Variants in FAM135B observed in about 807,000 individuals in gnomAD.
FAM135B encodes protein FAM135B.
In FAM135B, 43 loss-of-function variants were observed where a neutral mutation model predicts 127.7. That is an observed-to-expected ratio of 0.34 (90% CI 0.26 to 0.43). The LOEUF is 0.43. FAM135B is among the 20% of genes least tolerant of loss of function. The pLI, the probability that FAM135B is intolerant of heterozygous loss-of-function variation, is 1.00. For synonymous variants in FAM135B, 670 were observed against 665.1 expected, an observed-to-expected ratio of 1.01 and a Z score of -0.11; for missense variants, 1,558 against 1,725.6, an observed-to-expected ratio of 0.90 and a Z score of 1.72.
At chr8:138,159,608 G>A (rs1282871397) in intron 12 of FAM135B, among the ~76,000 whole-genome samples, 3 of 134,828 alleles carry the variant, frequency 2.2e-5, no homozygotes, top group Non-Finnish European at 4.8e-5. Context: ...CTGTCGTGGG[G>A]TGGGGGGAGG....
chr8:138,443,335 G>A (rs989145225), intron 1 of FAM135B, among the ~76,000 whole-genome samples: 1 of 151,986 alleles, frequency 6.6e-6, no homozygotes, highest in Non-Finnish European at 1.5e-5. Flanking sequence ...ACCAGATCCT[G>A]TGGGTTCCAA....
chr8:138,202,050 G>A (rs1246846156), intron 7 of FAM135B, among the ~76,000 whole-genome samples: 2 of 149,330 alleles, frequency 1.3e-5, no homozygotes, highest in Non-Finnish European at 3.0e-5. Context: ...GCTTGAACCT[G>A]AGAGGTGGAG....
chr8:138,214,892 A>C (rs973081186), intron 7 of FAM135B, among the ~76,000 whole-genome samples: 9 of 152,158 alleles, frequency 5.9e-5, no homozygotes, highest in African/African-American at 2.2e-4. Flanking sequence ...AAAATAAGTA[A>C]GTTGGGAGTC....
At chr8:138,231,070 C>T (rs1177591530) in intron 7 of FAM135B, among the ~76,000 whole-genome samples, 1 of 151,968 alleles carries the variant, frequency 6.6e-6, no homozygotes, top group Non-Finnish European at 1.5e-5. Context: ...TGCTCTGTCA[C>T]CCAGGCTGGA....
intron 2 of FAM135B, among the ~76,000 whole-genome samples, chr8:138,338,000 A>C (rs1414220415): frequency 2.6e-5 from 4 of 152,294 alleles, no homozygotes; most frequent in South Asian, 4.1e-4. Context: ...CAAATACAAG[A>C]AATGGGGAAA....
At chr8:138,190,931 C>G (rs1816065491) in intron 9 of FAM135B, among the ~76,000 whole-genome samples, 1 of 152,188 alleles carries the variant, frequency 6.6e-6, no homozygotes, top group Non-Finnish European at 1.5e-5. Context: ...GCAGATCTTA[C>G]ATGTACTGAC....
At chr8:138,470,996 T>G (rs1264369212) in intron 1 of FAM135B, among the ~76,000 whole-genome samples, 2 of 152,340 alleles carry the variant, frequency 1.3e-5, no homozygotes, top group East Asian at 1.9e-4. Flanking sequence ...GCCACTGTTT[T>G]GGGAAAGCAC....
chr8:138,367,855 C>A (rs2131215793), intron 2 of FAM135B, 52 bp downstream of exon 2: 1 of 1,357,176 alleles, frequency 7.4e-7, no homozygotes, highest in South Asian at 1.2e-5. Flanking sequence ...CGGAAAGAAA[C>A]AAACAACACA....
intron 7 of FAM135B, among the ~76,000 whole-genome samples, chr8:138,207,279 A>G (rs1024676888): frequency 1.9e-4 from 27 of 144,564 alleles, no homozygotes; most frequent in Non-Finnish European, 3.6e-4. Flanking sequence ...GCTCAGTGGT[A>G]TAATTTCAGC....
At chr8:138,413,432 C>T (rs1161593003) in intron 1 of FAM135B, among the ~76,000 whole-genome samples, 1 of 152,154 alleles carries the variant, frequency 6.6e-6, no homozygotes, top group African/African-American at 2.4e-5. Context: ...ACTTAGGAAG[C>T]CTTCTCTAAA....
intron 1 of FAM135B, among the ~76,000 whole-genome samples, chr8:138,372,694 C>G (rs753408017): frequency 6.6e-6 from 1 of 152,102 alleles, no homozygotes; most frequent in Admixed American, 6.6e-5. Context: ...CCTTTCAATA[C>G]GCGCAGACTA....
At chr8:138,371,091 G>T (rs554526174) in intron 1 of FAM135B, among the ~76,000 whole-genome samples, 1 of 152,156 alleles carries the variant, frequency 6.6e-6, no homozygotes, top group Non-Finnish European at 1.5e-5. Context: ...TAAAGACAAG[G>T]GTTTTAGCAT....
chr8:138,310,427 G>A (rs1826591483), intron 3 of FAM135B, among the ~76,000 whole-genome samples: 1 of 152,042 alleles, frequency 6.6e-6, no homozygotes, highest in Middle Eastern at 3.4e-3. Flanking sequence ...ACTGCTCTTG[G>A]ACCCCTCAAG....
intron 8 of FAM135B, 125 bp from the exon 9 acceptor site, chr8:138,195,432 G>C: frequency 1.2e-6 from 1 of 858,286 alleles, no homozygotes; most frequent in Non-Finnish European, 1.9e-6. Flanking sequence ...ACATTGCTGA[G>C]GACCTTCTAC....
chr8:138,231,131 T>C (rs1455966619), intron 7 of FAM135B, among the ~76,000 whole-genome samples: 1 of 152,096 alleles, frequency 6.6e-6, no homozygotes, highest in Non-Finnish European at 1.5e-5. Context: ...GCAATTCTCC[T>C]GCCTCAGCCT....
Position 138,311,277 on chromosome 8 carries a change from G to A in FAM135B, c.78-357C>T, listed in dbSNP as rs886943935. 2.0e-5 allele frequency among the ~76,000 whole-genome samples: 3 copies of A among 152,164 alleles called. No homozygotes were observed. In the East Asian group the frequency reaches 5.8e-4, roughly 29 times the overall value. The stretch of plus-strand genomic sequence containing the variant: ...TGTTATAGGAAAGTAGGTTATTTAC[G>A]CACAGTGGAGAATCCATCTATAAAT... On this transcript the variant is annotated intron_variant, in intron 2 of 19. Transcript: ENST00000395297.
At chr8:138,410,292 G>A (rs1282818104) in intron 1 of FAM135B, among the ~76,000 whole-genome samples, 3 of 152,176 alleles carry the variant, frequency 2.0e-5, no homozygotes, top group African/African-American at 7.2e-5. Context: ...TTGTGTAGCA[G>A]GCTGCTTCTA....
intron 1 of FAM135B, among the ~76,000 whole-genome samples, chr8:138,431,754 C>A (rs983544478): frequency 6.6e-6 from 1 of 152,170 alleles, no homozygotes; most frequent in African/African-American, 2.4e-5. Context: ...TCAGGATCCT[C>A]GCATCTTTCC....
At chr8:138,476,461 G>A (rs983963274) in intron 1 of FAM135B, among the ~76,000 whole-genome samples, 2 of 148,994 alleles carry the variant, frequency 1.3e-5, no homozygotes, top group Non-Finnish European at 2.9e-5. Flanking sequence ...GGGGATGGGG[G>A]ATGTGGGGTA....
Sources: allele counts gnomAD v4.1 joint callset (sites outside exome capture counted in the v4.1 genomes callset), GRCh38; gene constraint gnomAD v4.1.1; transcripts MANE v1.5; gene names NCBI Gene and HGNC (gene_info 2026-07-23, HGNC 2026-07-21).